The following CCSER2 variants were observed in gnomAD, a reference collection of about 807,000 sequenced individuals.
CCSER2 encodes coiled-coil serine rich protein 2.
Under a neutral mutation model 92.3 loss-of-function variants are expected in CCSER2, and 46 were observed. The ratio of observed to expected loss-of-function variants is 0.50; its 90% confidence interval spans 0.39 to 0.64. The LOEUF is 0.64. Among genes scored for constraint, CCSER2 ranks in the 30% least tolerant of loss-of-function variants. CCSER2 has a pLI of 0.00. For missense variants in CCSER2, 1,244 were observed against 1,238.9 expected (o/e 1.00, Z -0.06); for synonymous variants, 433 against 431.4 (o/e 1.00, Z -0.04).
intron 8 of CCSER2, among the ~76,000 whole-genome samples, chr10:84,476,443 T>G (rs1847145832): frequency 8.0e-6 from 1 of 125,152 alleles, no homozygotes; most frequent in Non-Finnish European, 1.7e-5. Flanking sequence ...CTCTTTTTTT[T>G]TTTTTTTTTT....
chr10:84,480,896 GA>G (rs1252883863), intron 9 of CCSER2, among the ~76,000 whole-genome samples: 1 of 152,100 alleles, frequency 6.6e-6, no homozygotes, highest in Non-Finnish European at 1.5e-5. Flanking sequence ...TATTTGGTTT[GA>G]TTTTTTTACT....
intron 6 of CCSER2, among the ~76,000 whole-genome samples, 175 bp from the exon 7 acceptor site, chr10:84,463,758 T>C (rs1393915861): frequency 6.6e-6 from 1 of 152,254 alleles, no homozygotes; most frequent in Non-Finnish European, 1.5e-5. Flanking sequence ...CATTTCCTTC[T>C]AACAGTATAT....
chr10:84,452,117 TC>T (rs1214068134), intron 6 of CCSER2: 4 of 152,250 alleles, frequency 2.6e-5, no homozygotes, highest in Admixed American at 2.6e-4. Context: ...ATGCCTCTTG[TC>T]ATTGTGTTGT....
At chr10:84,403,496 A>G (rs888122261) in intron 3 of CCSER2, among the ~76,000 whole-genome samples, 4 of 152,234 alleles carry the variant, frequency 2.6e-5, no homozygotes, top group Non-Finnish European at 4.4e-5. Flanking sequence ...GATGAAAACA[A>G]GCTACAGCGT....
At chr10:84,342,611 T>G (rs777053682) in intron 1 of CCSER2, among the ~76,000 whole-genome samples, 6 of 152,188 alleles carry the variant, frequency 3.9e-5, no homozygotes, top group Non-Finnish European at 7.3e-5. Context: ...TGACTCAGAC[T>G]TCCTTTTCTT....
intron 1 of CCSER2, among the ~76,000 whole-genome samples, chr10:84,332,430 ATATATATTTTTT>A (rs1173572278): frequency 2.7e-5 from 2 of 72,968 alleles, no homozygotes; most frequent in Admixed American, 1.7e-4. Context: ...ATATATATAT[ATATATATTTTTT>A]TTTTTTTTTT....
intron 6 of CCSER2, among the ~76,000 whole-genome samples, chr10:84,457,286 T>TAAA (rs1304320408): frequency 0.1 from 7,487 of 71,844 alleles, 599 homozygotes; most frequent in Admixed American, 0.15. Context: ...ATATTATATA[T>TAAA]TATATATTAT....
chr10:84,421,510 A>C (rs1050180280), intron 4 of CCSER2, among the ~76,000 whole-genome samples: 2 of 152,232 alleles, frequency 1.3e-5, no homozygotes, highest in Admixed American at 1.3e-4. Context: ...ATCAGATCTC[A>C]TGAGAACTCA....
At chr10:84,512,951 C>T (rs1406754682) in intron 9 of CCSER2, among the ~76,000 whole-genome samples, 1 of 152,136 alleles carries the variant, frequency 6.6e-6, no homozygotes, top group Non-Finnish European at 1.5e-5. Flanking sequence ...TAGTGATTTA[C>T]TCTAAATCTT....
intron 9 of CCSER2, among the ~76,000 whole-genome samples, chr10:84,490,163 G>T (rs1027446661): frequency 2.6e-5 from 4 of 152,122 alleles, no homozygotes; most frequent in African/African-American, 9.7e-5. Flanking sequence ...CTCTCTGGCT[G>T]CCCTTAACAT....
chr10:84,410,617 T>C (rs926869363), intron 3 of CCSER2, among the ~76,000 whole-genome samples: 1 of 152,250 alleles, frequency 6.6e-6, no homozygotes, highest in African/African-American at 2.4e-5. Flanking sequence ...ATTGTTTGCT[T>C]ATTTTCTAGT....
At chr10:84,358,059 G>T (rs1015273460) in intron 1 of CCSER2, among the ~76,000 whole-genome samples, 1 of 152,168 alleles carries the variant, frequency 6.6e-6, no homozygotes, top group Non-Finnish European at 1.5e-5. Flanking sequence ...CTCTTGAGTT[G>T]CTCACCTCTG....
intron 9 of CCSER2, among the ~76,000 whole-genome samples, chr10:84,482,270 A>G (rs1455219537): frequency 2.0e-5 from 3 of 152,192 alleles, no homozygotes; most frequent in Non-Finnish European, 4.4e-5. Flanking sequence ...TCTGAGGGGC[A>G]AAATACCCGG....
In CCSER2 at chr10:84,408,436, C is replaced by T. The variant is rs146286412; in HGVS notation, c.1615-9335C>T. Among the ~76,000 whole-genome samples, 658 of 151,046 alleles carry T rather than the reference C, an allele frequency of 4.4e-3. 10 individuals are homozygous for T. The highest frequency in any genetic ancestry group is 0.016 in the African/African-American group (642 of 41,218). On this transcript the variant is annotated intron_variant, in intron 3 of 9. Transcript: ENST00000372088. ...TTCCTCTCTCTCCCTCCATTTTTTG[C>T]CTCTCTTCCTTCCTTCCTTCTTTCC...
chr10:84,494,330 A>G (rs1284941656), intron 9 of CCSER2, among the ~76,000 whole-genome samples: 1 of 152,226 alleles, frequency 6.6e-6, no homozygotes, highest in Non-Finnish European at 1.5e-5. Context: ...AAGGATGACC[A>G]GAGGTCACTT....
At chr10:84,359,344 T>A (rs945256333) in intron 1 of CCSER2, among the ~76,000 whole-genome samples, 1 of 152,054 alleles carries the variant, frequency 6.6e-6, no homozygotes, top group Non-Finnish European at 1.5e-5. Context: ...TTTAGTTGAT[T>A]TATGTGAGGG....
chr10:84,407,977 G>C (rs1208232864), intron 3 of CCSER2, among the ~76,000 whole-genome samples: 1 of 152,010 alleles, frequency 6.6e-6, no homozygotes, highest in African/African-American at 2.4e-5. Flanking sequence ...GGGAGGGGCG[G>C]GTGGCACTGA....
intron 3 of CCSER2, among the ~76,000 whole-genome samples, chr10:84,398,188 G>T (rs1028569101): frequency 2.0e-5 from 3 of 152,072 alleles, no homozygotes. Flanking sequence ...ACTGCCTTTG[G>T]TTCATGACTT....
intron 6 of CCSER2, among the ~76,000 whole-genome samples, chr10:84,444,093 A>G (rs1443966909): frequency 6.6e-6 from 1 of 152,114 alleles, no homozygotes; most frequent in Non-Finnish European, 1.5e-5. Context: ...ATACCAGTGT[A>G]ACAAACCTGC....
Sources: allele counts gnomAD v4.1 joint callset (sites outside exome capture counted in the v4.1 genomes callset), GRCh38; gene constraint gnomAD v4.1.1; transcripts MANE v1.5; gene names NCBI Gene and HGNC (gene_info 2026-07-23, HGNC 2026-07-21).